Variants in ZFHX3 observed in about 807,000 individuals in gnomAD.
The protein encoded by ZFHX3 is zinc finger homeobox 3.
A neutral mutation model predicts 279.1 loss-of-function variants in ZFHX3; 42 were observed. The ratio of observed to expected loss-of-function variants is 0.15; its 90% CI spans 0.12 to 0.19. The LOEUF (loss-of-function observed/expected upper bound fraction) is 0.19. Among genes scored for constraint, ZFHX3 ranks in the 10% least tolerant of loss-of-function variants. The probability of loss-of-function intolerance (pLI) is 1.00; values close to 1 mark genes in which losing one functional copy is unlikely to be tolerated. For missense variants in ZFHX3, 4,981 were observed against 4,754.0 expected (o/e 1.05, Z -1.40); for synonymous variants, 2,293 against 1,957.8 (o/e 1.17, Z -4.52).
At chr16:73,857,400 T>G (rs964374999) in intron 1 of ZFHX3, among the ~76,000 whole-genome samples, 8 of 152,218 alleles carry the variant, frequency 5.3e-5, no homozygotes, top group Admixed American at 3.3e-4. Context: ...TTATAAAGAC[T>G]CCAAGTCCTT....
rs79142663 is a variant in ZFHX3 at position 73,414,498 on chromosome 16, A to C, written c.-1291+41505T>G. Among the ~76,000 whole-genome samples, 951 of 152,348 alleles carry C rather than the reference A, an allele frequency of 6.2e-3. 10 individuals carry two copies. Among genetic ancestry groups the C allele is most frequent in the African/African-American group, 0.022 (910 of 41,584 alleles). On this transcript the variant is annotated intron_variant, in intron 3 of 17. Coordinates refer to the ZFHX3 transcript ENST00000641206. ...ACCCTCACTTTCCCTGTGATTCTCC[A>C]ACTTATATTTACCAAAGCAGTTTTA...
intron 4 of ZFHX3, among the ~76,000 whole-genome samples, chr16:72,888,329 G>A (rs560345265): frequency 2.3e-4 from 35 of 152,338 alleles, no homozygotes; most frequent in African/African-American, 7.9e-4. Flanking sequence ...GGCTTGGCCA[G>A]GCCGTTAGAC....
At chr16:73,090,612 CGTG>C (rs1321088387) in intron 8 of ZFHX3, among the ~76,000 whole-genome samples, 2 of 151,204 alleles carry the variant, frequency 1.3e-5, no homozygotes, top group Non-Finnish European at 2.9e-5. Flanking sequence ...AAGGGTGGGG[CGTG>C]GTGGTTCATG....
At chr16:73,320,398 G>A (rs1240435482) in intron 3 of ZFHX3, among the ~76,000 whole-genome samples, 1 of 152,084 alleles carries the variant, frequency 6.6e-6, no homozygotes, top group South Asian at 2.1e-4. Context: ...TCTAATAACC[G>A]CGAGGGTGGC....
intron 2 of ZFHX3, among the ~76,000 whole-genome samples, chr16:72,951,489 T>C (rs976780496): frequency 1.3e-5 from 2 of 152,208 alleles, no homozygotes; most frequent in African/African-American, 4.8e-5. Flanking sequence ...GTTGAACTCC[T>C]GACCTCAGCT....
At chr16:73,228,864 A>C (rs189345909) in intron 5 of ZFHX3, among the ~76,000 whole-genome samples, 15 of 152,302 alleles carry the variant, frequency 9.8e-5, no homozygotes, top group Admixed American at 6.5e-4. Flanking sequence ...AAGCGTAATA[A>C]ACAGGAGATA....
chr16:73,508,457 A>G (rs1314929327), intron 2 of ZFHX3, among the ~76,000 whole-genome samples: 4 of 152,226 alleles, frequency 2.6e-5, no homozygotes, highest in African/African-American at 9.6e-5. Flanking sequence ...GGAATACTCC[A>G]TGCCAGTGAA....
At chr16:73,173,442 C>T (rs1967587985) in intron 5 of ZFHX3, among the ~76,000 whole-genome samples, 1 of 149,116 alleles carries the variant, frequency 6.7e-6, no homozygotes, top group African/African-American at 2.5e-5. Context: ...TTTGCGAGTC[C>T]GAAGGCCACA....
chr16:73,857,017 G>A (rs1010736995), intron 1 of ZFHX3, among the ~76,000 whole-genome samples: 3 of 152,214 alleles, frequency 2.0e-5, no homozygotes, highest in Non-Finnish European at 2.9e-5. Context: ...ACAGAGTGCC[G>A]AGGTAATTCC....
At chr16:73,568,408 T>C (rs8051126) in intron 2 of ZFHX3, among the ~76,000 whole-genome samples, 2,890 of 152,174 alleles carry the variant, frequency 0.019, 105 homozygotes, top group African/African-American at 0.065. Context: ...TGCCTTGTCT[T>C]AGCACACCTG....
At chr16:73,873,509 C>G (rs1469390472) in intron 1 of ZFHX3, among the ~76,000 whole-genome samples, 1 of 152,044 alleles carries the variant, frequency 6.6e-6, no homozygotes, top group Non-Finnish European at 1.5e-5. Context: ...TGAGCTCACA[C>G]CAATGGCTCA....
intron 1 of ZFHX3, among the ~76,000 whole-genome samples, chr16:73,779,196 T>C (rs1959366804): frequency 6.6e-6 from 1 of 152,190 alleles, no homozygotes; most frequent in Non-Finnish European, 1.5e-5. Flanking sequence ...ATCTTGGGAA[T>C]TCTGGGGGTG....
chr16:73,326,015 A>G (rs1339718592), intron 3 of ZFHX3, among the ~76,000 whole-genome samples: 1 of 152,098 alleles, frequency 6.6e-6, no homozygotes, highest in Non-Finnish European at 1.5e-5. Context: ...GATTACACTA[A>G]GAAGGTGGCA....
At chr16:73,506,029 G>A (rs143861063) in intron 2 of ZFHX3, among the ~76,000 whole-genome samples, 80 of 152,308 alleles carry the variant, frequency 5.3e-4, no homozygotes, top group African/African-American at 1.8e-3. Flanking sequence ...ACAGCGGAAG[G>A]TGGGGTTCAG....
At chr16:73,459,953 G>A (rs886981709) in intron 2 of ZFHX3, among the ~76,000 whole-genome samples, 2 of 152,168 alleles carry the variant, frequency 1.3e-5, no homozygotes, top group East Asian at 1.9e-4. Flanking sequence ...AATTCAAGAT[G>A]AGATTTGGGT....
intron 5 of ZFHX3, among the ~76,000 whole-genome samples, chr16:73,245,217 C>T (rs2013244189): frequency 6.6e-6 from 1 of 152,172 alleles, no homozygotes; most frequent in African/African-American, 2.4e-5. Context: ...ATGTAAGCTC[C>T]TTGAGGAAAG....
At position 72,928,720 on chromosome 16, in the gene ZFHX3, G is replaced by A. The variant is rs754996166; in HGVS notation, c.3216+21749C>T. 3.3e-5 allele frequency among the ~76,000 whole-genome samples: 5 copies of A among 152,356 alleles called. No homozygotes were observed. The South Asian group carries it at 1.0e-3, about 32-fold the overall frequency. ...AGGCCAGATATAGTGGCTCAGGCCTGTAATCCCAGTAGGGAGGATGGCTTG... is the reference window on the plus strand; with the variant it reads ...AGGCCAGATATAGTGGCTCAGGCCTATAATCCCAGTAGGGAGGATGGCTTG... On this transcript the variant is annotated intron_variant, in intron 3 of 9. Coordinates refer to ENST00000268489, the MANE Select transcript of ZFHX3 (RefSeq NM_006885.4).
intron 3 of ZFHX3, among the ~76,000 whole-genome samples, chr16:73,391,658 T>C (rs111358078): frequency 1.2e-3 from 178 of 152,194 alleles, no homozygotes; most frequent in African/African-American, 4.1e-3. Context: ...GACTCTAACA[T>C]ATCAAAGAGA....
At chr16:73,399,862 G>GTGTA (rs1360217753) in intron 3 of ZFHX3, among the ~76,000 whole-genome samples, 1 of 148,052 alleles carries the variant, frequency 6.8e-6, no homozygotes, top group East Asian at 2.0e-4. Context: ...GTGTGTGTGT[G>GTGTA]TGTCTAGATA....
Sources: allele counts gnomAD v4.1 joint callset (sites outside exome capture counted in the v4.1 genomes callset), GRCh38; gene constraint gnomAD v4.1.1; transcripts MANE v1.5; gene names NCBI Gene and HGNC (gene_info 2026-07-23, HGNC 2026-07-21).